TAFA4: variants seen among roughly 807,000 people sequenced by gnomAD.
The protein encoded by TAFA4 is chemokine-like protein TAFA-4.
TAFA4 carries 20 observed loss-of-function variants against 21.1 expected under a neutral mutation model. That is an observed-to-expected ratio of 0.95 (90% CI 0.67 to 1.38). The LOEUF is 1.38. Ranked by LOEUF, TAFA4 falls within the 40% of genes most tolerant of loss-of-function variation. TAFA4 has a pLI of 0.00. For missense variants in TAFA4, 211 were observed against 180.9 expected, an observed-to-expected ratio of 1.17 and a Z score of -0.95; for synonymous variants, 71 against 67.4, an observed-to-expected ratio of 1.05 and a Z score of -0.26.
chr3:68,830,603 T>C (rs1424477440), intron 3 of TAFA4, among the ~76,000 whole-genome samples: 1 of 152,188 alleles, frequency 6.6e-6, no homozygotes, highest in Non-Finnish European at 1.5e-5. Context: ...GTGTTTTGCT[T>C]CCAATTATGT....
intron 1 of TAFA4, among the ~76,000 whole-genome samples, chr3:68,924,251 A>G (rs1188420208): frequency 6.6e-6 from 1 of 152,238 alleles, no homozygotes; most frequent in Non-Finnish European, 1.5e-5. Flanking sequence ...CCATTGAAGG[A>G]CAAATAAAAA....
intron 3 of TAFA4, among the ~76,000 whole-genome samples, chr3:68,878,316 G>A (rs912393525): frequency 6.6e-6 from 1 of 152,118 alleles, no homozygotes; most frequent in Non-Finnish European, 1.5e-5. Flanking sequence ...ATCTTTAAAG[G>A]ATAAAAATCT....
chr3:68,750,686 T>C lies in TAFA4; in HGVS notation c.286+2177A>G, dbSNP rs554099727. On this transcript the variant is annotated intron_variant, in intron 4 of 5. Coordinates refer to ENST00000295569, the MANE Select transcript of TAFA4 (RefSeq NM_182522.5). ...TTCTTTACTAAGATAAAGATACTAA[T>C]AGTCATCACTGCCCTATCAGTACTT... Among the ~76,000 whole-genome samples the C allele has an allele frequency of 1.4e-4, 21 of 152,346 alleles. 2 individuals carry two copies. The highest frequency in any genetic ancestry group is 1.2e-3 in the South Asian group (6 of 4,828).
At chr3:68,773,026 A>G (rs989196015) in intron 3 of TAFA4, among the ~76,000 whole-genome samples, 8 of 152,238 alleles carry the variant, frequency 5.3e-5, no homozygotes, top group Non-Finnish European at 8.8e-5. Flanking sequence ...AGCATCTATT[A>G]AAATTAAAAG....
chr3:68,894,428 G>A (rs1009859484), intron 1 of TAFA4, among the ~76,000 whole-genome samples: 1 of 152,132 alleles, frequency 6.6e-6, no homozygotes, highest in Non-Finnish European at 1.5e-5. Flanking sequence ...CCAAAGTACT[G>A]GCGTGAGCCA....
Position 68,902,365 on chromosome 3 carries a change from T to C in TAFA4, c.-122-17055A>G, listed in dbSNP as rs962217566. ...ACCATTTTCTTTCAGATAATACCTA[T>C]ATCATTCACTTTTTTTTTTGGAGAC... On this transcript the variant is annotated intron_variant, in intron 1 of 5. Transcript: ENST00000295569. Among the ~76,000 whole-genome samples the C allele has an allele frequency of 3.3e-5, 5 of 152,206 alleles. No individual in the cohort carries two copies. The East Asian group carries it at 9.7e-4, about 29-fold the overall frequency.
intron 3 of TAFA4, among the ~76,000 whole-genome samples, chr3:68,818,943 C>T (rs1200639311): frequency 6.6e-6 from 1 of 152,166 alleles, no homozygotes; most frequent in Non-Finnish European, 1.5e-5. Flanking sequence ...ACTTGCTGGA[C>T]ATAGGGTTGC....
intron 3 of TAFA4, among the ~76,000 whole-genome samples, chr3:68,802,919 G>T (rs1302505487): frequency 1.1e-4 from 16 of 152,152 alleles, no homozygotes. Context: ...AGCTTTGATT[G>T]CTTTCTTCTT....
intron 1 of TAFA4, among the ~76,000 whole-genome samples, chr3:68,914,396 G>A (rs1205056004): frequency 6.6e-6 from 1 of 152,222 alleles, no homozygotes; most frequent in Non-Finnish European, 1.5e-5. Flanking sequence ...GTGGTTTCAT[G>A]ACTATGTACC....
intron 3 of TAFA4, among the ~76,000 whole-genome samples, chr3:68,781,903 A>T (rs1703160869): frequency 1.3e-5 from 2 of 152,214 alleles, no homozygotes; most frequent in Admixed American, 1.3e-4. Flanking sequence ...AAAGTCTTAG[A>T]AAAAAGTATG....
intron 3 of TAFA4, among the ~76,000 whole-genome samples, chr3:68,786,820 A>G (rs1482216535): frequency 1.3e-5 from 2 of 152,238 alleles, no homozygotes; most frequent in African/African-American, 2.4e-5. Flanking sequence ...TTTATGACTC[A>G]GGATTTACAA....
intron 3 of TAFA4, among the ~76,000 whole-genome samples, chr3:68,783,707 GAAAGAAAA>G (rs1559519710): frequency 1.1e-4 from 7 of 61,280 alleles, no homozygotes; most frequent in East Asian, 6.7e-4. Flanking sequence ...GAGAGAGAGA[GAAAGAAAA>G]AGAAAGAAAG....
chr3:68,837,980 C>T (rs1704561217), intron 3 of TAFA4, among the ~76,000 whole-genome samples: 1 of 152,000 alleles, frequency 6.6e-6, no homozygotes, highest in Admixed American at 6.6e-5. Context: ...AGCTAATTAA[C>T]ATATGCATTG....
At chr3:68,918,913 GT>G (rs2090031026) in intron 1 of TAFA4, among the ~76,000 whole-genome samples, 1 of 151,950 alleles carries the variant, frequency 6.6e-6, no homozygotes, top group Non-Finnish European at 1.5e-5. Flanking sequence ...AATTCACTTT[GT>G]TTTTTAAAAA....
intron 3 of TAFA4, among the ~76,000 whole-genome samples, chr3:68,829,119 G>T (rs1704318994): frequency 6.6e-6 from 1 of 152,148 alleles, no homozygotes; most frequent in Non-Finnish European, 1.5e-5. Context: ...GAACAAAGCT[G>T]GAGGCATCAT....
chr3:68,875,222 C>T lies in TAFA4; in HGVS notation c.130+5508G>A, dbSNP rs1013910052. Among the ~76,000 whole-genome samples, 66 of 151,740 alleles carry T rather than the reference C, an allele frequency of 4.3e-4. No homozygotes were observed. In the Middle Eastern group the frequency reaches 0.01, roughly 24 times the overall value. ...TACCTTGATAGGAGCTAGAGTCAAA[C>T]TTCCAGTTTTTTTTTTTTTTTAACT... On this transcript the variant is annotated intron_variant, in intron 3 of 5. Coordinates refer to ENST00000295569, the MANE Select transcript of TAFA4 (RefSeq NM_182522.5).
chr3:68,885,464 T>C (rs908454447), intron 1 of TAFA4, among the ~76,000 whole-genome samples, 154 bp from the exon 2 acceptor site: 18 of 152,208 alleles, frequency 1.2e-4, no homozygotes, highest in African/African-American at 3.9e-4. Flanking sequence ...AGTTGTAAGG[T>C]GTCCTACTAT....
chr3:68,784,279 G>A (rs1441919658), intron 3 of TAFA4, among the ~76,000 whole-genome samples: 1 of 152,214 alleles, frequency 6.6e-6, no homozygotes, highest in Non-Finnish European at 1.5e-5. Context: ...ATACTAGTGT[G>A]TCCGGAATTG....
chr3:68,830,240 T>A (rs1027817237), intron 3 of TAFA4, among the ~76,000 whole-genome samples: 1 of 152,216 alleles, frequency 6.6e-6, no homozygotes, highest in African/African-American at 2.4e-5. Context: ...CTTTTGAATT[T>A]GTTTGCTCTT....
Sources: allele counts gnomAD v4.1 joint callset (sites outside exome capture counted in the v4.1 genomes callset), GRCh38; gene constraint gnomAD v4.1.1; transcripts MANE v1.5; gene names NCBI Gene and HGNC (gene_info 2026-07-23, HGNC 2026-07-21).